Variants in PPP3CA observed in about 807,000 individuals in gnomAD.
PPP3CA encodes CAM-PRP catalytic subunit.
In PPP3CA, 14 loss-of-function variants were observed where a neutral mutation model predicts 66.5. The ratio of observed to expected loss-of-function variants is 0.21; its 90% CI spans 0.14 to 0.33. The LOEUF is 0.33. PPP3CA is among the 10% of genes least tolerant of loss of function. The pLI, the probability that PPP3CA is intolerant of heterozygous loss-of-function variation, is 1.00. For missense variants in PPP3CA, 317 were observed against 639.5 expected (o/e 0.50, Z 5.44); for synonymous variants, 232 against 226.2 (o/e 1.03, Z -0.23).
intron 3 of PPP3CA, among the ~76,000 whole-genome samples, chr4:101,100,691 A>G (rs1055261831): frequency 2.0e-5 from 3 of 152,168 alleles, no homozygotes; most frequent in Non-Finnish European, 2.9e-5. Flanking sequence ...ATGCCCTTTT[A>G]TCCTCGTAAA....
chr4:101,318,174 T>G (rs1210016821), intron 1 of PPP3CA, among the ~76,000 whole-genome samples: 3 of 152,126 alleles, frequency 2.0e-5, no homozygotes, highest in South Asian at 4.1e-4. Flanking sequence ...CAGAAAAAAT[T>G]TAAACCACAG....
intron 1 of PPP3CA, among the ~76,000 whole-genome samples, chr4:101,275,293 T>C (rs1727454666): frequency 6.6e-6 from 1 of 152,244 alleles, no homozygotes; most frequent in Middle Eastern, 3.4e-3. Flanking sequence ...AGTTGTCACT[T>C]CTCATAAAGC....
chr4:101,088,352 G>A (rs959922072), intron 6 of PPP3CA, among the ~76,000 whole-genome samples: 3 of 152,050 alleles, frequency 2.0e-5, no homozygotes, highest in South Asian at 2.1e-4. Flanking sequence ...TTGGGAGGCC[G>A]AGGCGGGTGG....
At chr4:101,086,243 G>C (rs1426741469) in intron 6 of PPP3CA, among the ~76,000 whole-genome samples, 1 of 152,176 alleles carries the variant, frequency 6.6e-6, no homozygotes, top group African/African-American at 2.4e-5. Flanking sequence ...ATATATTAAA[G>C]AGAATGACGT....
At chr4:101,136,822 C>G (rs974138246) in intron 2 of PPP3CA, among the ~76,000 whole-genome samples, 1 of 152,078 alleles carries the variant, frequency 6.6e-6, no homozygotes. Context: ...GTGCACCTCA[C>G]TGCCTTTTGT....
chr4:101,293,928 G>A (rs987301223), intron 1 of PPP3CA, among the ~76,000 whole-genome samples: 11 of 152,098 alleles, frequency 7.2e-5, no homozygotes, highest in Admixed American at 4.6e-4. Context: ...CACTAGGAAC[G>A]GGCCTGGCAG....
intron 1 of PPP3CA, among the ~76,000 whole-genome samples, chr4:101,316,151 T>C (rs1366046434): frequency 1.3e-5 from 2 of 151,804 alleles, no homozygotes; most frequent in African/African-American, 4.8e-5. Flanking sequence ...AATGTAGGTT[T>C]TTCTGGCTGG....
intron 1 of PPP3CA, 75 bp downstream of exon 1, chr4:101,346,664 A>G (rs2850327): frequency 1.6e-6 from 2 of 1,273,406 alleles, no homozygotes; most frequent in South Asian, 2.5e-5. Context: ...GGAGGGGAGG[A>G]AAGGCGAGGC....
At chr4:101,278,742 T>C (rs1727589782) in intron 1 of PPP3CA, among the ~76,000 whole-genome samples, 1 of 152,212 alleles carries the variant, frequency 6.6e-6, no homozygotes, top group Non-Finnish European at 1.5e-5. Context: ...CACAATAAAT[T>C]AGAAGTTCAC....
At position 101,061,136 on chromosome 4, in the gene PPP3CA, G is replaced by A. The variant is rs1412637837; in HGVS notation, c.1107C>T (p.Leu369=). The part of the protein sequence containing the change: ...EKVTEMLVNV[L]NICSDDELGS... The stretch of plus-strand genomic sequence containing the variant: ...CTAGTTCATCATCTGAGCAGATGTT[G>A]AGGACATTTACCAGCATCTCAGTCA... The change falls in exon 10 of 14, where the codon CTC becomes CTT. Residue 369 remains leucine (L), a synonymous_variant. Transcript: ENST00000394854. 6.2e-7 allele frequency: 1 copy of A among 1,612,194 alleles called. No individual in the cohort carries two copies. The highest frequency in any genetic ancestry group is 1.3e-5 in the African/African-American group (1 of 74,818).
chr4:101,170,100 A>G (rs1321575215), intron 2 of PPP3CA, among the ~76,000 whole-genome samples: 1 of 152,200 alleles, frequency 6.6e-6, no homozygotes, highest in Admixed American at 6.6e-5. Flanking sequence ...TAACAGCTGT[A>G]ACACAAGATA....
In PPP3CA at chr4:101,124,785, AAGAAAGAAAGAAAG is replaced by A. The variant is rs1409318144; in HGVS notation, c.260-15721_260-15708del. ...AAAGAAAGAAAGAAAGAAAGAAAGA[AAGAAAGAAAGAAAG>A]AGAAAACTGTATTGGTGTTGAGGAG... On this transcript the variant is annotated intron_variant, in intron 2 of 13. Coordinates refer to ENST00000394854, the MANE Select transcript of PPP3CA (RefSeq NM_000944.5). 7.6e-3 allele frequency among the ~76,000 whole-genome samples: 981 copies of A among 128,722 alleles called. 37 individuals are homozygous for A. The highest frequency in any genetic ancestry group is 0.024 in the African/African-American group (713 of 29,962). 84.4% of individuals were successfully genotyped at this position (128,722 alleles called of 152,430 possible).
At chr4:101,140,852 T>C (rs1001973841) in intron 2 of PPP3CA, among the ~76,000 whole-genome samples, 5 of 152,204 alleles carry the variant, frequency 3.3e-5, no homozygotes, top group African/African-American at 9.6e-5. Flanking sequence ...CATGATTGAA[T>C]TTAACAGAAA....
At chr4:101,063,022 G>GTTT (rs971469650) in intron 9 of PPP3CA, among the ~76,000 whole-genome samples, 1 of 142,120 alleles carries the variant, frequency 7.0e-6, no homozygotes, top group Non-Finnish European at 1.6e-5. Flanking sequence ...CCTGTGTTTT[G>GTTT]TTTTTTTTTT....
At chr4:101,088,187 A>G (rs1190095766) in intron 6 of PPP3CA, among the ~76,000 whole-genome samples, 1 of 152,128 alleles carries the variant, frequency 6.6e-6, no homozygotes, top group Admixed American at 6.5e-5. Flanking sequence ...CACATTTATA[A>G]TGACGGCACT....
intron 1 of PPP3CA, among the ~76,000 whole-genome samples, chr4:101,291,522 T>G (rs1728027632): frequency 1.3e-5 from 2 of 152,238 alleles, no homozygotes; most frequent in African/African-American, 4.8e-5. Flanking sequence ...ATATCTCCAT[T>G]GCTTTCACAA....
chr4:101,195,608 A>G (rs892920153), intron 2 of PPP3CA, among the ~76,000 whole-genome samples: 2 of 152,202 alleles, frequency 1.3e-5, no homozygotes, highest in Non-Finnish European at 2.9e-5. Flanking sequence ...TTCCCAATGA[A>G]TATCCTGTGT....
chr4:101,174,097 A>C (rs957082411), intron 2 of PPP3CA, among the ~76,000 whole-genome samples: 2 of 149,208 alleles, frequency 1.3e-5, no homozygotes, highest in African/African-American at 2.5e-5. Context: ...CGCCCCCCCC[A>C]CCCCGCCAGA....
intron 2 of PPP3CA, among the ~76,000 whole-genome samples, chr4:101,134,196 T>C (rs1247859194): frequency 6.6e-6 from 1 of 152,110 alleles, no homozygotes; most frequent in Non-Finnish European, 1.5e-5. Context: ...ACTTCATGAC[T>C]AAAACACCAA....
Sources: gnomAD v4.1 joint callset for allele counts (sites outside exome capture counted in the v4.1 genomes callset) on GRCh38, gnomAD v4.1.1 for gene constraint, MANE v1.5 for transcripts, NCBI Gene and HGNC (gene_info 2026-07-23, HGNC 2026-07-21) for gene names.